The following CDH18 variants were observed in gnomAD, a reference collection of about 807,000 sequenced individuals.
CDH18 encodes the protein cadherin-18.
Under a neutral mutation model 67.9 loss-of-function variants are expected in CDH18, and 31 were observed. The ratio of observed to expected loss-of-function variants is 0.46; its 90% CI spans 0.34 to 0.62. The LOEUF (loss-of-function observed/expected upper bound fraction) is 0.62. Ranked by LOEUF, CDH18 falls within the 20% of genes least tolerant of loss-of-function variation. The pLI is 0.01. For synonymous variants in CDH18, 362 were observed against 347.2 expected, an observed-to-expected ratio of 1.04 and a Z score of -0.48; for missense variants, 890 against 975.5, an observed-to-expected ratio of 0.91 and a Z score of 1.17.
intron 3 of CDH18, among the ~76,000 whole-genome samples, chr5:19,798,492 G>A (rs547337656): frequency 6.6e-6 from 1 of 151,818 alleles, no homozygotes; most frequent in Non-Finnish European, 1.5e-5. Context: ...TTTTATCTTT[G>A]AATTGGACTT....
At position 20,334,131 on chromosome 5, in the gene CDH18, C is replaced by CT. The variant is rs34609844; in HGVS notation, c.-579-78627dup. On this transcript the variant is annotated intron_variant, in intron 1 of 14. Coordinates refer to the CDH18 transcript ENST00000507958. Reference sequence around the variant, plus strand: ...TAAATGTATAAATCTGACTTGAATTCTTTTTTTTTTTTTTTTTTTTTGAGA... The same window carrying CT: ...TAAATGTATAAATCTGACTTGAATTCTTTTTTTTTTTTTTTTTTTTTTGAGA... 5.8e-3 allele frequency among the ~76,000 whole-genome samples: 476 copies of CT among 81,612 alleles called. 33 individuals carry two copies. Among genetic ancestry groups the CT allele is most frequent in the African/African-American group, 0.023 (441 of 19,180 alleles). The allele number at this position is 81,612 out of a possible 152,430, so 53.5% of individuals were successfully genotyped here.
chr5:20,063,473 T>A (rs1260826172), intron 2 of CDH18, among the ~76,000 whole-genome samples: 1 of 152,044 alleles, frequency 6.6e-6, no homozygotes, highest in Admixed American at 6.6e-5. Context: ...ATCATAGCAA[T>A]CCCAAAGAAT....
intron 1 of CDH18, among the ~76,000 whole-genome samples, chr5:20,413,177 T>C (rs1396896773): frequency 1.3e-5 from 2 of 152,226 alleles, no homozygotes; most frequent in Non-Finnish European, 2.9e-5. Context: ...TTCCGTGGTG[T>C]ATATGTGCCA....
intron 3 of CDH18, among the ~76,000 whole-genome samples, chr5:19,799,297 C>T (rs1777179556): frequency 6.6e-6 from 1 of 151,948 alleles, no homozygotes; most frequent in South Asian, 2.1e-4. Context: ...GTGTTTTGTT[C>T]AATGGGTATA....
At chr5:19,612,292 T>C in intron 6 of CDH18, 142 bp downstream of exon 6, 1 of 715,448 alleles carries the variant, frequency 1.4e-6, no homozygotes, top group Non-Finnish European at 2.3e-6. Context: ...TCATGAGTCT[T>C]ACATGAAGAA....
chr5:20,206,311 G>T (rs1482904956), intron 2 of CDH18, among the ~76,000 whole-genome samples: 1 of 151,546 alleles, frequency 6.6e-6, no homozygotes, highest in African/African-American at 2.4e-5. Flanking sequence ...CCTTAACAAA[G>T]CAAAAATGAG....
chr5:19,747,395 T>A (rs1209892858), intron 3 of CDH18, among the ~76,000 whole-genome samples, 159 bp from the exon 4 acceptor site: 1 of 152,076 alleles, frequency 6.6e-6, no homozygotes, highest in Non-Finnish European at 1.5e-5. Context: ...TGCAGTTTTT[T>A]TTTTTCACTT....
chr5:19,520,204 A>G (rs773336932), intron 10 of CDH18, among the ~76,000 whole-genome samples: 1 of 152,014 alleles, frequency 6.6e-6, no homozygotes, highest in Non-Finnish European at 1.5e-5. Flanking sequence ...ATTAATACAT[A>G]TATACTCTTC....
In CDH18 at chr5:20,037,881, CA is replaced by C. The variant is rs201241921; in HGVS notation, c.-517-45868del. Among the ~76,000 whole-genome samples the C allele has an allele frequency of 0.018, 2,675 of 151,856 alleles. 174 individuals carry two copies. The East Asian group carries it at 0.25, about 14-fold the overall frequency. On this transcript the variant is annotated intron_variant, in intron 2 of 14. Transcript: ENST00000507958. ...AGCAGAACTGAAGGAGACAGAGACA[CA>C]AAAAACCCTTCAAAAAATCAATGAA...
chr5:19,918,971 A>G (rs1792138846), intron 2 of CDH18, among the ~76,000 whole-genome samples: 1 of 152,160 alleles, frequency 6.6e-6, no homozygotes, highest in Non-Finnish European at 1.5e-5. Context: ...AACCAAACAT[A>G]TGACCAGAAG....
intron 3 of CDH18, among the ~76,000 whole-genome samples, chr5:19,768,504 T>A (rs1398511769): frequency 6.6e-6 from 1 of 152,094 alleles, no homozygotes; most frequent in African/African-American, 2.4e-5. Context: ...CAGAAATGTA[T>A]GACAAAGGTG....
At position 19,517,172 on chromosome 5, in the gene CDH18, C is replaced by G. The variant is rs572019746; in HGVS notation, c.1512+3485G>C. 3.9e-5 allele frequency among the ~76,000 whole-genome samples: 6 copies of G among 152,178 alleles called. No homozygotes were observed. The East Asian group carries it at 1.2e-3, about 29-fold the overall frequency. The stretch of plus-strand genomic sequence containing the variant: ...TCTTATGCTAGGCCTGTAGCGATAT[C>G]ACATTGTAGTTTTAATTTCTATTTA... On this transcript the variant is annotated intron_variant, in intron 10 of 12. Coordinates refer to ENST00000382275, the MANE Select transcript of CDH18 (RefSeq NM_004934.5).
chr5:20,211,958 G>A (rs903594562), intron 2 of CDH18, among the ~76,000 whole-genome samples: 1 of 152,154 alleles, frequency 6.6e-6, no homozygotes, highest in African/African-American at 2.4e-5. Context: ...GTAGGCTTCA[G>A]AAGATCAGTA....
At chr5:19,844,093 T>G (rs1306016027) in intron 2 of CDH18, among the ~76,000 whole-genome samples, 3 of 152,164 alleles carry the variant, frequency 2.0e-5, no homozygotes, top group Non-Finnish European at 4.4e-5. Context: ...ACTTTGGACT[T>G]GGACATTTGA....
chr5:19,723,571 G>C (rs1322327933), intron 4 of CDH18, among the ~76,000 whole-genome samples: 2 of 152,192 alleles, frequency 1.3e-5, no homozygotes, highest in Admixed American at 1.3e-4. Flanking sequence ...TATGGTGACA[G>C]TAACTTTGCT....
chr5:20,462,383 G>A (rs578114054), intron 1 of CDH18, among the ~76,000 whole-genome samples: 1 of 152,082 alleles, frequency 6.6e-6, no homozygotes, highest in East Asian at 1.9e-4. Flanking sequence ...AAGATGAGAA[G>A]AGGGTACAAA....
chr5:20,344,246 A>G (rs1322748661), intron 1 of CDH18, among the ~76,000 whole-genome samples: 1 of 152,152 alleles, frequency 6.6e-6, no homozygotes, highest in African/African-American at 2.4e-5. Flanking sequence ...TGCTAAATAC[A>G]GTCAAAGAGG....
intron 10 of CDH18, among the ~76,000 whole-genome samples, chr5:19,503,437 A>C (rs1486844): frequency 0.2 from 30,520 of 151,892 alleles, 3,367 homozygotes; most frequent in African/African-American, 0.27. Flanking sequence ...GTTGGAGGAG[A>C]CATAAAGTAT....
chr5:20,346,348 G>T (rs1740698273), intron 1 of CDH18, among the ~76,000 whole-genome samples: 1 of 152,142 alleles, frequency 6.6e-6, no homozygotes, highest in African/African-American at 2.4e-5. Context: ...GACAGTTAAT[G>T]CCTACATTCA....
Sources: gnomAD v4.1 joint callset for allele counts (sites outside exome capture counted in the v4.1 genomes callset) on GRCh38, gnomAD v4.1.1 for gene constraint, MANE v1.5 for transcripts, NCBI Gene and HGNC (gene_info 2026-07-23, HGNC 2026-07-21) for gene names.